The following MRTFB variants were observed in gnomAD, a reference collection of about 807,000 sequenced individuals.
The protein encoded by MRTFB is myocardin-related transcription factor B.
In MRTFB, 29 loss-of-function variants were observed where a neutral mutation model predicts 104.2. The ratio of observed to expected loss-of-function variants is 0.28; its 90% confidence interval spans 0.21 to 0.38. MRTFB has a LOEUF of 0.38. MRTFB is among the 10% of genes least tolerant of loss of function. The pLI, the probability that MRTFB is intolerant of heterozygous loss-of-function variation, is 1.00. For synonymous variants in MRTFB, 535 were observed against 519.5 expected (o/e 1.03, Z -0.41); for missense variants, 1,270 against 1,341.6 (o/e 0.95, Z 0.83).
intron 2 of MRTFB, among the ~76,000 whole-genome samples, chr16:14,102,369 T>G (rs1247318541): frequency 2.6e-5 from 4 of 152,178 alleles, no homozygotes; most frequent in Non-Finnish European, 4.4e-5. Flanking sequence ...CGCCTCTTCA[T>G]TGGTAAAGTG....
At chr16:14,182,489 C>T (rs958023510) in intron 3 of MRTFB, among the ~76,000 whole-genome samples, 2 of 152,180 alleles carry the variant, frequency 1.3e-5, no homozygotes, top group Non-Finnish European at 2.9e-5. Context: ...TAAATACAGA[C>T]ATACGTACTT....
At chr16:14,230,686 G>T (rs1032302751) in intron 8 of MRTFB, among the ~76,000 whole-genome samples, 5 of 152,188 alleles carry the variant, frequency 3.3e-5, no homozygotes, top group African/African-American at 1.2e-4. Flanking sequence ...CTGTTGGTGG[G>T]ACTGTAAACT....
At chr16:14,256,110 C>T (rs201057309) in intron 15 of MRTFB, among the ~76,000 whole-genome samples, 132 of 73,448 alleles carry the variant, frequency 1.8e-3, no homozygotes, top group Middle Eastern at 7.6e-3. Context: ...GAGACTGTCT[C>T]AAAAAAAAAA....
At chr16:14,040,293 G>C in the MRTFB span, among the ~76,000 whole-genome samples, 3 of 152,038 alleles carry the variant, frequency 2.0e-5, no homozygotes, top group African/African-American at 7.2e-5. Flanking sequence ...AATAATAACT[G>C]ACCATCCTCT....
At chr16:14,007,808 G>T in the MRTFB span, among the ~76,000 whole-genome samples, 6 of 152,164 alleles carry the variant, frequency 3.9e-5, no homozygotes, top group Non-Finnish European at 7.3e-5. Flanking sequence ...GTTTTGATTT[G>T]CTTTTCCCTG....
intron 3 of MRTFB, among the ~76,000 whole-genome samples, chr16:14,192,404 T>C (rs2040226643): frequency 2.6e-5 from 4 of 152,106 alleles, no homozygotes. Context: ...ATACGAGATA[T>C]GGTTCTTATA....
intron 7 of MRTFB, among the ~76,000 whole-genome samples, chr16:14,218,598 T>A (rs76188085): frequency 0.011 from 1,684 of 152,266 alleles, 36 homozygotes; most frequent in African/African-American, 0.038. Flanking sequence ...TAACTGGTAG[T>A]TGAACCCAAA....
chr16:14,172,882 C>T (rs2039468208), intron 3 of MRTFB, among the ~76,000 whole-genome samples: 1 of 152,104 alleles, frequency 6.6e-6, no homozygotes, highest in African/African-American at 2.4e-5. Context: ...GAGTTATTTA[C>T]ATATTGGGGT....
At chr16:14,213,223 T>C (rs1597264633) in intron 5 of MRTFB, among the ~76,000 whole-genome samples, 1 of 152,194 alleles carries the variant, frequency 6.6e-6, no homozygotes, top group Non-Finnish European at 1.5e-5. Flanking sequence ...ATAGATTTTA[T>C]TGAGTTTAGA....
chr16:14,131,814 C>T (rs1205949983), intron 2 of MRTFB, among the ~76,000 whole-genome samples: 1 of 151,856 alleles, frequency 6.6e-6, no homozygotes, highest in Non-Finnish European at 1.5e-5. Context: ...AAGTTGGAAC[C>T]CCAACTTTTG....
In MRTFB at chr16:14,246,769, G is replaced by A; in HGVS notation, c.1509G>A (p.Leu503=). Reference sequence around the variant, plus strand: ...GTGTGGAAAATGTTCATTCCCCTCTGCCCATTTCACCATCTCCCTCCGAAC... The same window carrying A: ...GTGTGGAAAATGTTCATTCCCCTCTACCCATTTCACCATCTCCCTCCGAAC... ...ATRVENVHSP[L]PISPSPSEQS... Residue 503 remains leucine, a synonymous_variant, in exon 12 of 17, where the codon CTG becomes CTA. Transcript: ENST00000571589. 6.2e-7 allele frequency: 1 copy of A among 1,613,936 alleles called. No homozygotes were observed. Among genetic ancestry groups the A allele is most frequent in the South Asian group, 1.1e-5 (1 of 91,062 alleles).
intron 2 of MRTFB, among the ~76,000 whole-genome samples, chr16:14,086,013 T>C (rs1035080800): frequency 2.0e-5 from 3 of 152,190 alleles, no homozygotes; most frequent in African/African-American, 7.2e-5. Context: ...AGTATAGACA[T>C]GGGAAAGTTT....
chr16:14,265,971 G>A lies in MRTFB; in HGVS notation c.*4527G>A, dbSNP rs1198549445. The A allele has an allele frequency of 1.3e-5, 2 of 152,236 alleles. No individual in the cohort carries two copies. Among genetic ancestry groups the A allele is most frequent in the Admixed American group, 6.5e-5 (1 of 15,284 alleles). 9.4% of individuals were successfully genotyped at this position (152,236 alleles called of 1,614,324 possible). A position where few individuals can be genotyped will look rare whatever the true frequency, so the allele number is the denominator to read the frequency against. On this transcript the variant is annotated 3_prime_UTR_variant, in exon 17 of 17. Transcript: ENST00000571589. Reference sequence around the variant, plus strand: ...AACAATTACCTCTCTACGTGATGCTGTAAGGAATCTTGCTAATTTGGTAGG... The same window carrying A: ...AACAATTACCTCTCTACGTGATGCTATAAGGAATCTTGCTAATTTGGTAGG...
intron 2 of MRTFB, among the ~76,000 whole-genome samples, chr16:14,119,254 C>T (rs2036710877): frequency 6.6e-6 from 1 of 152,048 alleles, no homozygotes; most frequent in Non-Finnish European, 1.5e-5. Context: ...GTGCAGAAAC[C>T]GTCGGATTGG....
At chr16:14,243,584 T>G (rs752365186) in intron 10 of MRTFB, among the ~76,000 whole-genome samples, 9 of 151,970 alleles carry the variant, frequency 5.9e-5, no homozygotes, top group Non-Finnish European at 1.3e-4. Context: ...GATCTCGTTT[T>G]AATACTGAAA....
At chr16:14,033,851 A>AG in the MRTFB span, among the ~76,000 whole-genome samples, 2 of 151,286 alleles carry the variant, frequency 1.3e-5, no homozygotes, top group African/African-American at 4.8e-5. Flanking sequence ...AAAAAAAAAA[A>AG]AAAGAAGAAG....
the MRTFB span, among the ~76,000 whole-genome samples, chr16:14,038,950 T>G: frequency 2.6e-5 from 4 of 152,132 alleles, no homozygotes; most frequent in African/African-American, 9.7e-5. Context: ...GGCGACACCC[T>G]TTATAAAACC....
At chr16:14,110,230 G>A (rs543752496) in intron 2 of MRTFB, among the ~76,000 whole-genome samples, 4 of 152,328 alleles carry the variant, frequency 2.6e-5, no homozygotes, top group Admixed American at 2.6e-4. Context: ...AGCCCTGGTG[G>A]CTGAGAGCTA....
At chr16:14,217,583 G>C (rs2041483244) in intron 7 of MRTFB, among the ~76,000 whole-genome samples, 1 of 152,130 alleles carries the variant, frequency 6.6e-6, no homozygotes, top group Non-Finnish European at 1.5e-5. Context: ...TGATTGTACT[G>C]CTTACAGTTC....
Sources: allele counts gnomAD v4.1 joint callset (sites outside exome capture counted in the v4.1 genomes callset), GRCh38; gene constraint gnomAD v4.1.1; transcripts MANE v1.5; gene names NCBI Gene and HGNC (gene_info 2026-07-23, HGNC 2026-07-21).